Variants in HFM1 observed in about 807,000 individuals in gnomAD.
HFM1 encodes helicase for meiosis 1.
A neutral mutation model predicts 192.1 loss-of-function variants in HFM1; 169 were observed. That is an observed-to-expected ratio of 0.88 (90% CI 0.78 to 1.00). The LOEUF (loss-of-function observed/expected upper bound fraction) is 1.00. HFM1 is among the 50% of genes least tolerant of loss of function. The pLI, the probability that HFM1 is intolerant of heterozygous loss-of-function variation, is 0.00. For synonymous variants in HFM1, 525 were observed against 537.8 expected, an observed-to-expected ratio of 0.98 and a Z score of 0.33; for missense variants, 1,661 against 1,668.0, an observed-to-expected ratio of 1.00 and a Z score of 0.07.
intron 30 of HFM1, among the ~76,000 whole-genome samples, chr1:91,308,985 T>A (rs1650042748): frequency 6.6e-6 from 1 of 152,190 alleles, no homozygotes; most frequent in African/African-American, 2.4e-5. Flanking sequence ...TTATAAGGTA[T>A]GAAGGTTTTC....
At position 91,319,329 on chromosome 1, in the gene HFM1, C is replaced by CA; in HGVS notation, c.2643_2644insT (p.Ala882CysfsTer31). On this transcript the variant is annotated frameshift_variant, in exon 24 of 39. Coordinates refer to ENST00000370425, the MANE Select transcript of HFM1 (RefSeq NM_001017975.6). LOFTEE classifies it high-confidence loss of function. Reference sequence around the variant, plus strand: ...CGGGAGCCATGTCTGAAAATCTTTGCGGTATCTTGTGTCAAAGCAAAATCT... The same window carrying CA: ...CGGGAGCCATGTCTGAAAATCTTTGCAGGTATCTTGTGTCAAAGCAAAATCT... 1 of 1,612,450 alleles carries CA rather than the reference C, an allele frequency of 6.2e-7. No individual in the cohort carries two copies. Among genetic ancestry groups the CA allele is most frequent in the Non-Finnish European group, 8.5e-7 (1 of 1,178,632 alleles).
At chr1:91,355,286 C>T (rs1235668748) in intron 13 of HFM1, among the ~76,000 whole-genome samples, 1 of 151,912 alleles carries the variant, frequency 6.6e-6, no homozygotes, top group Non-Finnish European at 1.5e-5. Context: ...ACTTATACAA[C>T]AAGAGGAAGA....
At chr1:91,400,168 C>T (rs1466297926) in intron 2 of HFM1, among the ~76,000 whole-genome samples, 2 of 152,048 alleles carry the variant, frequency 1.3e-5, no homozygotes, top group African/African-American at 4.8e-5. Context: ...ATACAATACA[C>T]TAAAAATACA....
chr1:91,305,263 G>A (rs1363625940), intron 30 of HFM1, among the ~76,000 whole-genome samples: 4 of 152,150 alleles, frequency 2.6e-5, no homozygotes, highest in Admixed American at 6.5e-5. Context: ...TATGAGAAGT[G>A]CTGCCATCTT....
intron 20 of HFM1, among the ~76,000 whole-genome samples, chr1:91,340,109 G>A (rs1475756702): frequency 1.3e-5 from 2 of 152,090 alleles, no homozygotes; most frequent in African/African-American, 4.8e-5. Context: ...AGGCTCAAGT[G>A]ATCCTGCCAC....
intron 13 of HFM1, among the ~76,000 whole-genome samples, chr1:91,355,869 T>G (rs1246177478): frequency 6.6e-6 from 1 of 152,148 alleles, no homozygotes; most frequent in Non-Finnish European, 1.5e-5. Context: ...CAAATGGACC[T>G]AACAGACAAA....
Position 91,266,030 on chromosome 1 carries a change from C to A in HFM1, c.3961G>T (p.Glu1321Ter). Residue 1321 changes from glutamate (E) to a stop codon, truncating the protein, a stop_gained, in exon 36 of 39, where the codon GAA (glutamate) becomes TAA (stop). Coordinates refer to ENST00000370425, the MANE Select transcript of HFM1 (RefSeq NM_001017975.6). LOFTEE classifies it high-confidence loss of function. ...LQESKSKFQR[E>*]MSNSFVSSHE... ...TCTAAAACTTGCCTGTTTGACATTT[C>A]TCTTTGGAATTTGCTCTTTGACTCT... is the stretch of plus-strand genomic sequence containing the variant. 6.3e-6 allele frequency: 10 copies of A among 1,585,866 alleles called. No individual in the cohort carries two copies. The highest frequency in any genetic ancestry group is 8.5e-6 in the Non-Finnish European group (10 of 1,171,598).
chr1:91,331,781 A>C (rs1653863592), intron 20 of HFM1, among the ~76,000 whole-genome samples: 1 of 152,200 alleles, frequency 6.6e-6, no homozygotes, highest in Non-Finnish European at 1.5e-5. Flanking sequence ...CTGTAATCCC[A>C]GCTACTCAGG....
chr1:91,288,420 C>A (rs1413072134), intron 30 of HFM1, among the ~76,000 whole-genome samples: 1 of 127,958 alleles, frequency 7.8e-6, no homozygotes. Context: ...TTGGGTGTTT[C>A]TCGGGGAGGG....
chr1:91,313,771 T>C (rs1650816438), intron 29 of HFM1, among the ~76,000 whole-genome samples, 186 bp downstream of exon 29: 1 of 152,094 alleles, frequency 6.6e-6, no homozygotes. Flanking sequence ...TTATGTCATC[T>C]GGTCCATGTT....
chr1:91,377,346 C>G (rs1661024955), intron 11 of HFM1: 1 of 151,774 alleles, frequency 6.6e-6, no homozygotes, highest in Admixed American at 6.6e-5. Flanking sequence ...AATATAGTGG[C>G]TATTTGTGAA....
chr1:91,347,513 A>G (rs768735057), intron 18 of HFM1, 37 bp from the exon 19 acceptor site: 1 of 1,437,750 alleles, frequency 7.0e-7, no homozygotes, highest in South Asian at 1.3e-5. Flanking sequence ...AATTTAGCTC[A>G]TCTTTACAGG....
intron 2 of HFM1, among the ~76,000 whole-genome samples, chr1:91,398,825 T>C (rs183705587): frequency 1.3e-5 from 2 of 152,228 alleles, no homozygotes; most frequent in Admixed American, 1.3e-4. Flanking sequence ...CCCCAGTAGC[T>C]GGGATTACAG....
rs1234663403 is a variant in HFM1, at chr1:91,267,955, T to G, written c.3773-100A>C. 5 of 685,682 alleles carry G rather than the reference T, an allele frequency of 7.3e-6. No homozygotes were observed. The East Asian group carries it at 1.4e-4, about 20-fold the overall frequency. 42.5% of individuals were successfully genotyped at this position (685,682 alleles called of 1,614,324 possible). On this transcript the variant is annotated intron_variant, in intron 34 of 38. Coordinates refer to ENST00000370425, the MANE Select transcript of HFM1 (RefSeq NM_001017975.6). ...AACACTGTTTGAGAGACTTTCTCATTTGAAGTTGTAGAACAGTTACATCTA... is the reference window on the plus strand; with the variant it reads ...AACACTGTTTGAGAGACTTTCTCATGTGAAGTTGTAGAACAGTTACATCTA...
chr1:91,285,624 T>C (rs61622120), intron 30 of HFM1, among the ~76,000 whole-genome samples: 1 of 152,300 alleles, frequency 6.6e-6, no homozygotes, highest in East Asian at 1.9e-4. Context: ...CATATAAAAA[T>C]TGAATTGTAC....
intron 34 of HFM1, among the ~76,000 whole-genome samples, chr1:91,272,427 A>C (rs1386206071): frequency 6.6e-6 from 1 of 152,134 alleles, no homozygotes; most frequent in Non-Finnish European, 1.5e-5. Flanking sequence ...ATTGGGGGTT[A>C]AAGTATCTAG....
At chr1:91,364,632 A>ATATATATATATATATATTT (rs753472335) in intron 13 of HFM1, among the ~76,000 whole-genome samples, 1 of 66,816 alleles carries the variant, frequency 1.5e-5, no homozygotes, top group African/African-American at 6.4e-5. Context: ...ATATATATAT[A>ATATATATATATATATATTT]TTTTTTTTTT....
chr1:91,395,522 G>T (rs2102160891), intron 3 of HFM1, among the ~76,000 whole-genome samples: 1 of 152,208 alleles, frequency 6.6e-6, no homozygotes, highest in South Asian at 2.1e-4. Flanking sequence ...TTTATTTAGA[G>T]ATAGGGTCCC....
chr1:91,380,895 T>C lies in HFM1; in HGVS notation c.873+17A>G. The C allele has an allele frequency of 8.7e-7, 1 of 1,143,792 alleles. No homozygotes were observed. The highest frequency in any genetic ancestry group is 1.3e-6 in the Non-Finnish European group (1 of 764,974). The allele number at this position is 1,143,792 out of a possible 1,614,324, so 70.9% of individuals were successfully genotyped here. On this transcript the variant is annotated intron_variant, in intron 7 of 38. Transcript: ENST00000370425. ...AGTGAAAGGTAGAAAAATAAATAAG[T>C]AAAATAAAATACTTACATCATCAAA...
Sources: gnomAD v4.1 joint callset for allele counts (sites outside exome capture counted in the v4.1 genomes callset) on GRCh38, gnomAD v4.1.1 for gene constraint, MANE v1.5 for transcripts, NCBI Gene and HGNC (gene_info 2026-07-23, HGNC 2026-07-21) for gene names.